MEGF10: variants seen among roughly 807,000 people sequenced by gnomAD.
MEGF10 encodes multiple epidermal growth factor-like domains protein 10.
In MEGF10, 86 loss-of-function variants were observed where a neutral mutation model predicts 147.5. That is an observed-to-expected ratio of 0.58 (90% CI 0.49 to 0.70). MEGF10 has a LOEUF of 0.70. Among genes scored for constraint, MEGF10 ranks in the 30% least tolerant of loss-of-function variants. The pLI is 0.00. For synonymous variants in MEGF10, 478 were observed against 525.5 expected, an observed-to-expected ratio of 0.91 and a Z score of 1.24; for missense variants, 1,329 against 1,487.3, an observed-to-expected ratio of 0.89 and a Z score of 1.75.
the MEGF10 span, among the ~76,000 whole-genome samples, chr5:127,256,855 C>T: frequency 5.9e-5 from 9 of 152,098 alleles, no homozygotes; most frequent in African/African-American, 2.2e-4. Flanking sequence ...GGAAGATTAA[C>T]AGGAGAAAAA....
intron 4 of MEGF10, among the ~76,000 whole-genome samples, chr5:127,352,728 C>T (rs1762128552): frequency 6.6e-6 from 1 of 152,008 alleles, no homozygotes; most frequent in Admixed American, 6.5e-5. Context: ...GGGCCAGGAC[C>T]AGGGTGGGAG....
intron 5 of MEGF10, among the ~76,000 whole-genome samples, chr5:127,392,629 A>C (rs1266785381): frequency 6.6e-6 from 1 of 152,188 alleles, no homozygotes; most frequent in Non-Finnish European, 1.5e-5. Flanking sequence ...TGTCTGATAC[A>C]TGACAGGTAC....
upstream of MEGF10, among the ~76,000 whole-genome samples, chr5:127,287,469 C>A (rs181679543): frequency 2.1e-3 from 317 of 151,950 alleles, 1 homozygote; most frequent in African/African-American, 7.4e-3. Context: ...AACAAGAACT[C>A]AAAAATAATT....
chr5:127,260,818 A>T, the MEGF10 span, among the ~76,000 whole-genome samples: 1 of 152,338 alleles, frequency 6.6e-6, no homozygotes, highest in East Asian at 1.9e-4. Flanking sequence ...GGAAGGGAGA[A>T]AATATGATGT....
At chr5:127,294,599 G>GACC (rs1391117565) in intron 1 of MEGF10, among the ~76,000 whole-genome samples, 2 of 152,032 alleles carry the variant, frequency 1.3e-5, no homozygotes, top group Non-Finnish European at 2.9e-5. Flanking sequence ...AGGGATCCTA[G>GACC]ACCAGCCTGG....
Position 127,406,547 on chromosome 5 carries a change from C to T in MEGF10, c.918-3842C>T, listed in dbSNP as rs548728485. Among the ~76,000 whole-genome samples, 4 of 152,244 alleles carry T rather than the reference C, an allele frequency of 2.6e-5. No homozygotes were observed. The South Asian group carries it at 8.3e-4, about 32-fold the overall frequency. On this transcript the variant is annotated intron_variant, in intron 8 of 24. Transcript: ENST00000503335. The stretch of plus-strand genomic sequence containing the variant: ...GGCTGGGGTCTTAATTTGCCATTTC[C>T]CTTGTTTTGAGAAGTCAGTGAAATT...
chr5:127,357,498 G>A (rs899087457), intron 4 of MEGF10, among the ~76,000 whole-genome samples: 8 of 151,834 alleles, frequency 5.3e-5, no homozygotes, highest in African/African-American at 1.9e-4. Flanking sequence ...TGAGGTGGGA[G>A]GATCACTTCA....
Position 127,445,496 on chromosome 5 carries a change from G to A in MEGF10, c.2531G>A (p.Arg844Gln), listed in dbSNP as rs138372925. 9.3e-6 allele frequency: 15 copies of A among 1,613,936 alleles called. No homozygotes were observed. The highest frequency in any genetic ancestry group is 1.6e-4 in the Middle Eastern group (1 of 6,084). Residue 844 changes from arginine to glutamine, a missense_variant, in exon 20 of 25, where the codon CGA becomes CAA. Physicochemically the swap from Arg to Gln is conservative, Grantham distance 43. Around this residue, in one of 3 missense-constraint regions of MEGF10, gnomAD observed 343 missense variants for 377.9 expected, o/e 0.91. Coordinates refer to ENST00000503335, the MANE Select transcript of MEGF10 (RefSeq NM_001256545.2). Reference protein sequence around the residue: ...IIVGNLNSLSRTSTALPADSY... With the variant: ...IIVGNLNSLSQTSTALPADSY... The stretch of plus-strand genomic sequence containing the variant: ...GTTGGAAATCTGAACAGCTTAAGCC[G>A]AACCAGTACTGCTCTCCCTGCTGAT...
chr5:127,310,070 C>T (rs1760223689), intron 1 of MEGF10, among the ~76,000 whole-genome samples: 1 of 138,126 alleles, frequency 7.2e-6, no homozygotes, highest in African/African-American at 2.7e-5. Context: ...TTCTTTCTCT[C>T]TTTCTTTCTT....
At chr5:127,247,324 A>T in the MEGF10 span, among the ~76,000 whole-genome samples, 1 of 2,648 alleles carries the variant, frequency 3.8e-4, no homozygotes, top group Non-Finnish European at 8.7e-4. Context: ...GAGAGAGAAG[A>T]AGAAGAAGAA....
chr5:127,306,001 C>T (rs1377742054), intron 1 of MEGF10, among the ~76,000 whole-genome samples: 2 of 152,188 alleles, frequency 1.3e-5, no homozygotes, highest in Non-Finnish European at 2.9e-5. Context: ...GGACTCTGAT[C>T]TTTCTGACTT....
In MEGF10 at chr5:127,449,123, A is replaced by C. The variant is rs141335036; in HGVS notation, c.2881A>C (p.Asn961His). 5 of 1,613,962 alleles carry C rather than the reference A, an allele frequency of 3.1e-6. No individual in the cohort carries two copies. Among genetic ancestry groups the C allele is most frequent in the Admixed American group, 1.7e-5 (1 of 59,986 alleles). ...GTCAAAAAACAATCAACTGTTTGTG[A>C]ATCTTAAAAATGTGAACCCTGGGAA... is the stretch of plus-strand genomic sequence containing the variant. ...TKSKNNQLFV[N>H]LKNVNPGKRG... The change falls in exon 22 of 25, where the codon AAT (asparagine) becomes CAT (histidine). Residue 961 changes from asparagine (N) to histidine (H), a missense_variant. Asn to His is a moderately conservative substitution (Grantham distance 68). Coordinates refer to ENST00000503335, the MANE Select transcript of MEGF10 (RefSeq NM_001256545.2).
chr5:127,383,376 G>A (rs1763323598), intron 5 of MEGF10, among the ~76,000 whole-genome samples: 4 of 152,176 alleles, frequency 2.6e-5, no homozygotes, highest in Admixed American at 2.6e-4. Flanking sequence ...GCTGAGGTGG[G>A]GGTATTACTT....
chr5:127,402,455 C>T (rs555107463), intron 7 of MEGF10, 91 bp from the exon 8 acceptor site: 2 of 1,427,292 alleles, frequency 1.4e-6, no homozygotes, highest in East Asian at 2.3e-5. Flanking sequence ...CCCCATCCCT[C>T]CTTTCTATTT....
chr5:127,283,268 C>A, the MEGF10 span, among the ~76,000 whole-genome samples: 1 of 152,152 alleles, frequency 6.6e-6, no homozygotes, highest in African/African-American at 2.4e-5. Context: ...ATTCATAAGT[C>A]CTCATTATGC....
rs185478878 is a variant in MEGF10, at chr5:127,323,975, G to T, written c.-18-7316G>T. ...AATGGTGTTCAAAGAAGTGAGATGGGAATTTCAGTGCCTTCTATGACCTAG... is the reference window on the plus strand; with the variant it reads ...AATGGTGTTCAAAGAAGTGAGATGGTAATTTCAGTGCCTTCTATGACCTAG... On this transcript the variant is annotated intron_variant, in intron 1 of 24. Coordinates refer to ENST00000503335, the MANE Select transcript of MEGF10 (RefSeq NM_001256545.2). Among the ~76,000 whole-genome samples, 111 of 152,282 alleles carry T rather than the reference G, an allele frequency of 7.3e-4. No individual in the cohort carries two copies. In the South Asian group the frequency reaches 8.5e-3, roughly 12 times the overall value.
Position 127,441,466 on chromosome 5 carries a change from T to TTAC in MEGF10, c.2362+601_2362+603dup, listed in dbSNP as rs571622241. Among the ~76,000 whole-genome samples, 855 of 152,340 alleles carry TTAC rather than the reference T, an allele frequency of 5.6e-3. 10 individuals carry two copies. The highest frequency in any genetic ancestry group is 0.019 in the African/African-American group (809 of 41,574). ...ACTGGGGGAGAATATGCCGTTGGAA[T>TTAC]TACTCATCCTTATTTTTTTATTTCC... is the stretch of plus-strand genomic sequence containing the variant. On this transcript the variant is annotated intron_variant, in intron 18 of 24. Coordinates refer to ENST00000503335, the MANE Select transcript of MEGF10 (RefSeq NM_001256545.2).
intron 18 of MEGF10, among the ~76,000 whole-genome samples, chr5:127,442,071 A>G (rs1158800716): frequency 6.6e-6 from 1 of 152,208 alleles, no homozygotes; most frequent in Non-Finnish European, 1.5e-5. Flanking sequence ...TTGTGTATAA[A>G]TGTCTAAATA....
At chr5:127,387,673 C>T (rs374294473) in intron 5 of MEGF10, among the ~76,000 whole-genome samples, 2 of 152,184 alleles carry the variant, frequency 1.3e-5, no homozygotes, top group African/African-American at 2.4e-5. Flanking sequence ...GCCACTCAAA[C>T]GCCAAGTGGC....
Sources: gnomAD v4.1 joint callset for allele counts (sites outside exome capture counted in the v4.1 genomes callset) on GRCh38, gnomAD v4.1.1 for gene constraint, gnomAD v4.1.1 regional missense constraint, MANE v1.5 for transcripts, NCBI Gene and HGNC (gene_info 2026-07-23, HGNC 2026-07-21) for gene names.